STRIP2: variants seen among roughly 807,000 people sequenced by gnomAD.
STRIP2 encodes striatin interacting protein 2.
STRIP2 carries 84 observed loss-of-function variants against 107.1 expected under a neutral mutation model. The observed-to-expected ratio is 0.78, with a 90% CI of 0.66 to 0.94. STRIP2 has a LOEUF of 0.94. STRIP2 is among the 40% of genes least tolerant of loss of function. The pLI, the probability that STRIP2 is intolerant of heterozygous loss-of-function variation, is 0.00. For missense variants in STRIP2, 888 were observed against 1,034.2 expected (o/e 0.86, Z 1.94); for synonymous variants, 394 against 400.4 (o/e 0.98, Z 0.19).
At chr7:129,455,490 A>G in intron 8 of STRIP2, 119 bp downstream of exon 8, 1 of 1,250,310 alleles carries the variant, frequency 8.0e-7, no homozygotes, top group Non-Finnish European at 1.1e-6. Flanking sequence ...GCCCTTAGCC[A>G]ACTGCTAATA....
chr7:129,455,340 A>G lies in STRIP2; in HGVS notation c.803A>G (p.Lys268Arg), dbSNP rs1798315987. 1 of 1,613,920 alleles carries G rather than the reference A, an allele frequency of 6.2e-7. No homozygotes were observed. The part of the protein sequence containing the change: ...SGLAPHFPIK[K>R]VLLLLWKVVM... ...CTGGCTCCTCACTTCCCCATAAAGA[A>G]GGTCCTGCTCCTGCTCTGGAAGGTG... The change falls in exon 8 of 21, where the codon AAG (lysine) becomes AGG (arginine). Residue 268 changes from lysine (K) to arginine (R), a missense_variant. By Grantham distance (26) the Lys-to-Arg change is conservative (BLOSUM62 2). Coordinates refer to ENST00000249344, the MANE Select transcript of STRIP2 (RefSeq NM_020704.3).
chr7:129,454,311 C>A, intron 6 of STRIP2, 101 bp downstream of exon 6: 1 of 1,477,554 alleles, frequency 6.8e-7, no homozygotes, highest in Non-Finnish European at 9.4e-7. Context: ...GGAAGTTGCC[C>A]TGTAGCTAAT....
chr7:129,456,623 G>A lies in STRIP2; in HGVS notation c.1019G>A (p.Gly340Asp), dbSNP rs761038451. The change falls in exon 9 of 21, where the codon GGC becomes GAC. Residue 340 changes from glycine to aspartate, a missense_variant. Transcript: ENST00000249344. ...GCACCCCCACCCTCCAAGCTGCGAGGCCGCCGTGGCTCTCGAAGGGTATGG... is the reference window on the plus strand; with the variant it reads ...GCACCCCCACCCTCCAAGCTGCGAGACCGCCGTGGCTCTCGAAGGGTATGG... ...QLAPPPSKLR[G>D]RRGSRRQLLT... 4 of 1,613,994 alleles carry A rather than the reference G, an allele frequency of 2.5e-6. No homozygotes were observed. The East Asian group carries it at 8.9e-5, about 36-fold the overall frequency.
chr7:129,452,187 C>G (rs1056241268), intron 4 of STRIP2, among the ~76,000 whole-genome samples: 12 of 152,106 alleles, frequency 7.9e-5, no homozygotes, highest in African/African-American at 1.2e-4. Context: ...TTTGAAAGTT[C>G]AAGCCAACAT....
At chr7:129,482,046 G>A (rs1799130797) in intron 19 of STRIP2, among the ~76,000 whole-genome samples, 1 of 152,038 alleles carries the variant, frequency 6.6e-6, no homozygotes, top group African/African-American at 2.4e-5. Flanking sequence ...TCTACTCAGG[G>A]GAGGCTGAGG....
chr7:129,449,855 A>T (rs1306336176), intron 3 of STRIP2, among the ~76,000 whole-genome samples: 5 of 152,216 alleles, frequency 3.3e-5, no homozygotes, highest in African/African-American at 1.2e-4. Context: ...GAGGCTCAGT[A>T]TCTGCTTCTG....
chr7:129,451,341 G>C (rs1798186484), intron 3 of STRIP2, among the ~76,000 whole-genome samples: 1 of 152,158 alleles, frequency 6.6e-6, no homozygotes, highest in African/African-American at 2.4e-5. Flanking sequence ...GAGACAGAGG[G>C]AACTCCTTGA....
intron 7 of STRIP2, among the ~76,000 whole-genome samples, 198 bp downstream of exon 7, chr7:129,454,725 A>C (rs1798296751): frequency 6.6e-6 from 1 of 152,200 alleles, no homozygotes; most frequent in African/African-American, 2.4e-5. Flanking sequence ...CTATGAGCTA[A>C]GACCAGCCAT....
In STRIP2 at chr7:129,458,822, G is replaced by C. The variant is rs769750290; in HGVS notation, c.1340+45G>C. On this transcript the variant is annotated intron_variant, in intron 11 of 20. Coordinates refer to ENST00000249344, the MANE Select transcript of STRIP2 (RefSeq NM_020704.3). The surrounding 1 kb of genome is among the most constrained non-coding windows in gnomAD (Gnocchi z 4.6). ...GAACTGGCTACAGAGTGGTTCCTAGGGGGCCAGAGGAGCAGGTAGCTTGGA... is the reference window on the plus strand; with the variant it reads ...GAACTGGCTACAGAGTGGTTCCTAGCGGGCCAGAGGAGCAGGTAGCTTGGA... The C allele has an allele frequency of 1.3e-6, 2 of 1,587,902 alleles. No homozygotes were observed. The highest frequency in any genetic ancestry group is 1.1e-5 in the South Asian group (1 of 90,394).
At position 129,454,438 on chromosome 7, in the gene STRIP2, T is replaced by C. The variant is rs562301216; in HGVS notation, c.617T>C (p.Met206Thr). The change falls in exon 7 of 21, where the codon ATG (methionine) becomes ACG (threonine). Residue 206 changes from methionine to threonine, a missense_variant. Transcript: ENST00000249344. The stretch of plus-strand genomic sequence containing the variant: ...AACCCCAGGGTGCTGCTGAGTGTTA[T>C]GTACCTAATGGTGGAAAATATTCGC... ...STELRVLLSV[M>T]YLMVENIRLE... The C allele has an allele frequency of 3.7e-6, 6 of 1,613,840 alleles. No homozygotes were observed. The highest frequency in any genetic ancestry group is 4.2e-6 in the Non-Finnish European group (5 of 1,179,904).
At chr7:129,478,224 G>C in intron 18 of STRIP2, 1 of 227,286 alleles carries the variant, frequency 4.4e-6, no homozygotes, top group South Asian at 5.6e-5. Flanking sequence ...AAAACTTTTT[G>C]TTAGGCCGGG....
chr7:129,451,030 G>C (rs376540326), intron 3 of STRIP2, among the ~76,000 whole-genome samples: 27 of 127,790 alleles, frequency 2.1e-4, no homozygotes, highest in African/African-American at 7.2e-4. Flanking sequence ...TCCGCCTCCC[G>C]GGTTCACGCC....
chr7:129,463,499 CTT>C (rs750018679), intron 14 of STRIP2, among the ~76,000 whole-genome samples: 23 of 144,872 alleles, frequency 1.6e-4, no homozygotes, highest in East Asian at 2.0e-4. Flanking sequence ...AAAGAACAGT[CTT>C]TTTTTTTTTT....
At chr7:129,463,072 C>T in intron 14 of STRIP2, 32 bp downstream of exon 14, 3 of 1,568,694 alleles carry the variant, frequency 1.9e-6, no homozygotes, top group Non-Finnish European at 2.6e-6. Context: ...AGCTGCCCTT[C>T]TCTGCTGCAA....
intron 18 of STRIP2, among the ~76,000 whole-genome samples, chr7:129,477,138 TC>T (rs1286598994): frequency 1.4e-5 from 2 of 140,974 alleles, no homozygotes; most frequent in African/African-American, 2.6e-5. Flanking sequence ...CAGTCCAGCT[TC>T]CGCTCGGCAT....
At position 129,454,487 on chromosome 7, in the gene STRIP2, T is replaced by C; in HGVS notation, c.666T>C (p.Cys222=). 4 of 1,614,128 alleles carry C rather than the reference T, an allele frequency of 2.5e-6. No homozygotes were observed. Among genetic ancestry groups the C allele is most frequent in the Non-Finnish European group, 3.4e-6 (4 of 1,179,978 alleles). ...GCCTGGAGCGAGAGACAGACCCCTG[T>C]GGGTGGAGAACAGCCCGGGAGACCT... ...NIRLERETDP[C]GWRTARETFR... is the part of the protein sequence containing the mutation. The change falls in exon 7 of 21, where the codon TGT becomes TGC. Residue 222 remains cysteine (C), a synonymous_variant. Coordinates refer to ENST00000249344, the MANE Select transcript of STRIP2 (RefSeq NM_020704.3).
At chr7:129,434,734 G>A in intron 1 of STRIP2, 133 bp downstream of exon 1, 1 of 1,132,914 alleles carries the variant, frequency 8.8e-7, no homozygotes. Flanking sequence ...CGCCTGCGGG[G>A]TCCTAGCGGC....
At chr7:129,473,864 C>A (rs777546513) in intron 18 of STRIP2, among the ~76,000 whole-genome samples, 3 of 152,008 alleles carry the variant, frequency 2.0e-5, no homozygotes, top group Admixed American at 6.5e-5. Flanking sequence ...ATTACAGGCA[C>A]ATGCCACCAC....
At chr7:129,438,273 T>C (rs966449664) in intron 1 of STRIP2, among the ~76,000 whole-genome samples, 8 of 152,216 alleles carry the variant, frequency 5.3e-5, no homozygotes, top group Admixed American at 2.0e-4. Context: ...TTACAGTTTG[T>C]TGCATATAAT....
Sources: gnomAD v4.1 joint callset for allele counts (sites outside exome capture counted in the v4.1 genomes callset) on GRCh38, gnomAD v4.1.1 for gene constraint, Gnocchi (gnomAD v3.1) non-coding constraint, MANE v1.5 for transcripts, NCBI Gene and HGNC (gene_info 2026-07-23, HGNC 2026-07-21) for gene names.